The following RERE variants were observed in gnomAD, a reference collection of about 807,000 sequenced individuals.
RERE encodes arginine-glutamic acid dipeptide repeats, also known as arginine-glutamic acid dipeptide repeats protein.
Under a neutral mutation model 146.1 loss-of-function variants are expected in RERE, and 40 were observed. The observed-to-expected ratio is 0.27, with a 90% CI of 0.21 to 0.36. The LOEUF is 0.36. RERE is among the 10% of genes least tolerant of loss of function. The pLI is 1.00. For missense variants in RERE, 1,933 were observed against 2,138.7 expected (o/e 0.90, Z 1.90); for synonymous variants, 1,003 against 866.0 (o/e 1.16, Z -2.78).
intron 2 of RERE, among the ~76,000 whole-genome samples, chr1:8,643,425 T>C (rs1282252200): frequency 6.6e-6 from 1 of 152,230 alleles, no homozygotes; most frequent in Non-Finnish European, 1.5e-5. Flanking sequence ...ATTTCTGCTA[T>C]AACACAATAT....
chr1:8,625,729 C>T (rs532058798), intron 2 of RERE, among the ~76,000 whole-genome samples: 3 of 152,124 alleles, frequency 2.0e-5, no homozygotes, highest in Middle Eastern at 3.4e-3. Context: ...GTGTTGAGAG[C>T]GAAGAAAAAG....
intron 1 of RERE, among the ~76,000 whole-genome samples, chr1:8,718,108 A>G (rs909482092): frequency 1.3e-5 from 2 of 152,238 alleles, no homozygotes; most frequent in Non-Finnish European, 2.9e-5. Flanking sequence ...TGTTTTACCA[A>G]TAGTATCCCT....
chr1:8,586,836 T>G (rs932373802), intron 4 of RERE, among the ~76,000 whole-genome samples: 1 of 152,172 alleles, frequency 6.6e-6, no homozygotes, highest in African/African-American at 2.4e-5. Context: ...AGAAAGCAGC[T>G]GGAATTGTCA....
chr1:8,811,476 C>T (rs1344243376), intron 1 of RERE, among the ~76,000 whole-genome samples: 1 of 152,168 alleles, frequency 6.6e-6, no homozygotes, highest in African/African-American at 2.4e-5. Flanking sequence ...GTGGTACACA[C>T]CTCTAGTCCC....
chr1:8,400,222 A>ATATGTGTGTGTGTG (rs368219880), intron 12 of RERE, among the ~76,000 whole-genome samples: 16,921 of 139,928 alleles, frequency 0.12, 1,424 homozygotes, highest in East Asian at 0.46. Context: ...CCTGTGTCAT[A>ATATGTGTGTGTGTG]TGTGTGTGTG....
In RERE at chr1:8,356,036, G is replaced by A; in HGVS notation, c.4486+64C>T. On this transcript the variant is annotated intron_variant, in intron 21 of 22. Transcript: ENST00000400908. The surrounding 1 kb of genome is among the most constrained non-coding windows in gnomAD (Gnocchi z 5.2). ...AATGAATGAGTAATGAATGAAGACAGCAGACCAGACCCCAACCCAACCCTC... is the reference window on the plus strand; with the variant it reads ...AATGAATGAGTAATGAATGAAGACAACAGACCAGACCCCAACCCAACCCTC... The A allele has an allele frequency of 7.0e-7, 1 of 1,430,994 alleles. No homozygotes were observed. Among genetic ancestry groups the A allele is most frequent in the Non-Finnish European group, 9.2e-7 (1 of 1,084,252 alleles). 88.6% of individuals were successfully genotyped at this position (1,430,994 alleles called of 1,614,324 possible). A position where few individuals can be genotyped will look rare whatever the true frequency, so the allele number is the denominator to read the frequency against.
intron 1 of RERE, among the ~76,000 whole-genome samples, chr1:8,790,008 C>A (rs1301056538): frequency 6.6e-6 from 1 of 152,198 alleles, no homozygotes; most frequent in East Asian, 1.9e-4. Flanking sequence ...AGGCTTCCCT[C>A]CTAAATTCTG....
intron 1 of RERE, among the ~76,000 whole-genome samples, chr1:8,778,820 A>G (rs1056416683): frequency 6.6e-6 from 1 of 152,102 alleles, no homozygotes; most frequent in Non-Finnish European, 1.5e-5. Flanking sequence ...TCCCAAAAAA[A>G]AAAAAGAAAA....
chr1:8,810,281 T>C (rs1046929373), intron 1 of RERE, among the ~76,000 whole-genome samples: 1 of 150,800 alleles, frequency 6.6e-6, no homozygotes, highest in Non-Finnish European at 1.5e-5. Flanking sequence ...ATTACAGGCA[T>C]GAGCCACCGC....
At chr1:8,577,038 C>T (rs1162398930) in intron 4 of RERE, among the ~76,000 whole-genome samples, 1 of 151,806 alleles carries the variant, frequency 6.6e-6, no homozygotes, top group East Asian at 1.9e-4. Flanking sequence ...GGCGTGGTGG[C>T]GGCGCCTGTA....
intron 1 of RERE, among the ~76,000 whole-genome samples, chr1:8,706,334 C>T (rs1449712712): frequency 6.6e-6 from 1 of 151,896 alleles, no homozygotes; most frequent in African/African-American, 2.4e-5. Flanking sequence ...GATTTTTATC[C>T]CCATTTTATG....
intron 1 of RERE, chr1:8,796,681 T>G (rs1322155287): frequency 6.6e-6 from 1 of 151,822 alleles, no homozygotes; most frequent in Non-Finnish European, 1.5e-5. Flanking sequence ...TACTGTAATT[T>G]AAATGACTAA....
Position 8,464,387 on chromosome 1 carries a change from A to G in RERE, c.1203+1538T>C, listed in dbSNP as rs557489679. 4.0e-4 allele frequency among the ~76,000 whole-genome samples: 60 copies of G among 151,874 alleles called. 1 individual carries two copies. In the South Asian group the frequency reaches 0.012, roughly 30 times the overall value. On this transcript the variant is annotated intron_variant, in intron 11 of 22. Coordinates refer to ENST00000400908, the MANE Select transcript of RERE (RefSeq NM_001042681.2). ...AGCCTGGATCTCGCTGCTTCTTATCACGACCACTGCTGCCACACCACCCAG... is the reference window on the plus strand; with the variant it reads ...AGCCTGGATCTCGCTGCTTCTTATCGCGACCACTGCTGCCACACCACCCAG...
intron 11 of RERE, among the ~76,000 whole-genome samples, chr1:8,451,908 C>T (rs1042405534): frequency 1.3e-5 from 2 of 152,186 alleles, no homozygotes; most frequent in Non-Finnish European, 1.5e-5. Context: ...TCCTATCCTT[C>T]CCCACACATT....
chr1:8,816,073 C>A (rs777867599), intron 1 of RERE, among the ~76,000 whole-genome samples: 7 of 152,056 alleles, frequency 4.6e-5, no homozygotes, highest in Non-Finnish European at 1.0e-4. Flanking sequence ...CTCTCCCCTC[C>A]CCCAACAGAC....
chr1:8,627,613 C>A (rs1194499338), intron 2 of RERE, among the ~76,000 whole-genome samples: 10 of 132,224 alleles, frequency 7.6e-5, no homozygotes, highest in South Asian at 7.2e-4. Context: ...AAAAAAAAAA[C>A]CTGAAATAAA....
chr1:8,688,060 C>A (rs116166096), intron 1 of RERE, among the ~76,000 whole-genome samples: 1 of 152,108 alleles, frequency 6.6e-6, no homozygotes, highest in African/African-American at 2.4e-5. Flanking sequence ...GTCTAACATA[C>A]GATTTTTTCA....
chr1:8,730,623 A>C (rs748111127), intron 1 of RERE, among the ~76,000 whole-genome samples: 4 of 152,144 alleles, frequency 2.6e-5, no homozygotes, highest in Non-Finnish European at 4.4e-5. Flanking sequence ...GATTACAGGC[A>C]TGAGCCACTA....
chr1:8,715,731 T>C (rs1218818164), intron 1 of RERE, among the ~76,000 whole-genome samples: 2 of 151,936 alleles, frequency 1.3e-5, no homozygotes, highest in Non-Finnish European at 2.9e-5. Context: ...TGACAAAACC[T>C]TGTCTCTACA....
Sources: gnomAD v4.1 joint callset for allele counts (sites outside exome capture counted in the v4.1 genomes callset) on GRCh38, gnomAD v4.1.1 for gene constraint, Gnocchi (gnomAD v3.1) non-coding constraint, MANE v1.5 for transcripts, NCBI Gene and HGNC (gene_info 2026-07-23, HGNC 2026-07-21) for gene names.